The following VPS13B variants were observed in gnomAD, a reference collection of about 807,000 sequenced individuals.
VPS13B encodes the protein vacuolar protein sorting 13 homolog B, also known as intermembrane lipid transfer protein VPS13B.
A neutral mutation model predicts 426.4 loss-of-function variants in VPS13B; 285 were observed. The observed-to-expected ratio is 0.67, with a 90% CI of 0.61 to 0.74. The LOEUF (loss-of-function observed/expected upper bound fraction) is 0.74. Ranked by LOEUF, VPS13B falls within the 30% of genes least tolerant of loss-of-function variation. The probability of loss-of-function intolerance (pLI) is 0.00; values close to 1 mark genes in which losing one functional copy is unlikely to be tolerated. For missense variants in VPS13B, 4,537 were observed against 4,782.6 expected (o/e 0.95, Z 1.51); for synonymous variants, 1,676 against 1,676.4 (o/e 1.00, Z 0.01).
intron 24 of VPS13B, among the ~76,000 whole-genome samples, chr8:99,478,447 G>GTTTTGTTTTTTTTTTTTTGTTTT (rs1819822769): frequency 1.2e-5 from 1 of 85,778 alleles, no homozygotes; most frequent in Non-Finnish European, 2.1e-5. Context: ...TTTTTGTTTT[G>GTTTTGTTTTTTTTTTTTTGTTTT]TTTTTTTTTT....
chr8:99,085,158 T>G (rs948118088), intron 3 of VPS13B, among the ~76,000 whole-genome samples: 5 of 152,172 alleles, frequency 3.3e-5, no homozygotes, highest in East Asian at 1.9e-4. Context: ...GCATATATAT[T>G]TAGGATAGTT....
At chr8:99,373,571 C>T (rs973857781) in intron 19 of VPS13B, among the ~76,000 whole-genome samples, 7 of 152,122 alleles carry the variant, frequency 4.6e-5, no homozygotes, top group Non-Finnish European at 7.4e-5. Context: ...TAACTTAGGC[C>T]GAGCACTGTG....
intron 17 of VPS13B, among the ~76,000 whole-genome samples, chr8:99,268,620 C>G (rs957700737): frequency 6.6e-6 from 1 of 152,172 alleles, no homozygotes. Flanking sequence ...GATGTATTTG[C>G]CCAGTGTCTG....
At chr8:99,207,497 A>G (rs1002804775) in intron 17 of VPS13B, among the ~76,000 whole-genome samples, 6 of 152,198 alleles carry the variant, frequency 3.9e-5, no homozygotes, top group Admixed American at 1.3e-4. Flanking sequence ...GAAAGAAAAT[A>G]TATAAAGTGT....
At chr8:99,736,707 C>G (rs1833845917) in intron 39 of VPS13B, among the ~76,000 whole-genome samples, 2 of 151,900 alleles carry the variant, frequency 1.3e-5, no homozygotes, top group African/African-American at 4.8e-5. Flanking sequence ...TTGACACAAA[C>G]TTGGAAAAAA....
intron 39 of VPS13B, among the ~76,000 whole-genome samples, chr8:99,745,936 A>C (rs1810061730): frequency 6.6e-6 from 1 of 152,140 alleles, no homozygotes; most frequent in Non-Finnish European, 1.5e-5. Flanking sequence ...TTGTCTCACA[A>C]ATCTGTGTTT....
At chr8:99,155,303 C>T (rs1336755297) in intron 14 of VPS13B, among the ~76,000 whole-genome samples, 1 of 152,134 alleles carries the variant, frequency 6.6e-6, no homozygotes, top group Non-Finnish European at 1.5e-5. Context: ...AGATAATTCT[C>T]ACAGGTGTAA....
chr8:99,537,563 T>G (rs1823323283), intron 30 of VPS13B, among the ~76,000 whole-genome samples: 1 of 152,204 alleles, frequency 6.6e-6, no homozygotes, highest in Non-Finnish European at 1.5e-5. Flanking sequence ...CAAATGGAAA[T>G]GTATTGCAAC....
intron 3 of VPS13B, among the ~76,000 whole-genome samples, chr8:99,062,465 T>C (rs746625310): frequency 1.3e-5 from 2 of 152,160 alleles, no homozygotes; most frequent in African/African-American, 2.4e-5. Flanking sequence ...AAAATAACTT[T>C]ATTATATGTT....
intron 8 of VPS13B, 113 bp downstream of exon 8, chr8:99,121,558 TAG>T: frequency 1.3e-6 from 2 of 1,533,736 alleles, no homozygotes; most frequent in South Asian, 2.6e-5. Context: ...AGATGTGAGA[TAG>T]AGTCTAACAG....
chr8:99,045,195 C>T (rs2132244102), intron 3 of VPS13B, among the ~76,000 whole-genome samples: 1 of 152,304 alleles, frequency 6.6e-6, no homozygotes, highest in African/African-American at 2.4e-5. Context: ...TCCTGGTTTA[C>T]TGGAGCCATG....
At chr8:99,202,895 G>A (rs539256015) in intron 17 of VPS13B, among the ~76,000 whole-genome samples, 11 of 152,114 alleles carry the variant, frequency 7.2e-5, no homozygotes, top group Admixed American at 2.0e-4. Flanking sequence ...TTAACTGGGC[G>A]TGGTGGTGGG....
At chr8:99,422,461 C>T (rs1466669774) in intron 21 of VPS13B, among the ~76,000 whole-genome samples, 2 of 152,084 alleles carry the variant, frequency 1.3e-5, no homozygotes, top group South Asian at 2.1e-4. Context: ...TAATAGTACT[C>T]ATATAGTACT....
rs547648698 is a variant in VPS13B, at chr8:99,582,801, G to T, written c.5220+5168G>T. 5.3e-5 allele frequency among the ~76,000 whole-genome samples: 8 copies of T among 152,004 alleles called. No individual in the cohort carries two copies. The South Asian group carries it at 1.7e-3, about 32-fold the overall frequency. ...CTCCCGAGTAGCTGGGACTAGAGGC[G>T]CCCGCCACCACGCCCGGCTAATTTT... is the stretch of plus-strand genomic sequence containing the variant. On this transcript the variant is annotated intron_variant, in intron 33 of 61. Coordinates refer to ENST00000357162, the MANE Select transcript of VPS13B (RefSeq NM_152564.5).
chr8:99,134,692 G>A lies in VPS13B; in HGVS notation c.1267G>A (p.Val423Ile). 1 of 1,610,328 alleles carries A rather than the reference G, an allele frequency of 6.2e-7. No individual in the cohort carries two copies. The highest frequency in any genetic ancestry group is 8.5e-7 in the Non-Finnish European group (1 of 1,178,040). Residue 423 changes from valine to isoleucine, a missense_variant, in exon 9 of 62, where the codon GTA (valine) becomes ATA (isoleucine). Around this residue, in one of 2 missense-constraint regions of VPS13B, gnomAD observed 4,311 missense variants for 4,474.3 expected, o/e 0.96. Coordinates refer to ENST00000357162, the MANE Select transcript of VPS13B (RefSeq NM_152564.5). ...TCCACAGAAAGTAAAATCTAAAGAA[G>A]TATTGTGTTGGGAACAAGAAGGAAC... ...YSPQKVKSKE[V>I]LCWEQEGTTV...
At chr8:99,691,247 C>CTGTGTGTGTGTG (rs144300139) in intron 35 of VPS13B, among the ~76,000 whole-genome samples, 8 of 146,918 alleles carry the variant, frequency 5.4e-5, no homozygotes, top group African/African-American at 1.8e-4. Context: ...GTATGGGATA[C>CTGTGTGTGTGTG]TGTGTGTGTG....
intron 6 of VPS13B, among the ~76,000 whole-genome samples, chr8:99,114,722 T>C (rs1446935279): frequency 2.6e-5 from 4 of 152,174 alleles, no homozygotes; most frequent in Non-Finnish European, 5.9e-5. Context: ...AGTCCCCCCA[T>C]ATAGTTTTCT....
In VPS13B at chr8:99,823,995, G is replaced by A. The variant is rs375248298; in HGVS notation, c.9330+17G>A. The A allele has an allele frequency of 1.9e-5, 31 of 1,609,724 alleles. No individual in the cohort carries two copies. Among genetic ancestry groups the A allele is most frequent in the Admixed American group, 3.3e-5 (2 of 59,990 alleles). ...GGAAAGGAGGTAAGCAAATCATAAC[G>A]ATTCTTTTGTCTAAGTTTTGATAAA... On this transcript the variant is annotated intron_variant, in intron 51 of 61. Coordinates refer to ENST00000357162, the MANE Select transcript of VPS13B (RefSeq NM_152564.5).
At chr8:99,345,167 C>G (rs558013130) in intron 19 of VPS13B, among the ~76,000 whole-genome samples, 30 of 152,246 alleles carry the variant, frequency 2.0e-4, no homozygotes, top group African/African-American at 7.0e-4. Flanking sequence ...GCTAGGTATG[C>G]AATACTATAG....
Sources: gnomAD v4.1 joint callset for allele counts (sites outside exome capture counted in the v4.1 genomes callset) on GRCh38, gnomAD v4.1.1 for gene constraint, gnomAD v4.1.1 regional missense constraint, MANE v1.5 for transcripts, NCBI Gene and HGNC (gene_info 2026-07-23, HGNC 2026-07-21) for gene names.